The following CYTH1 variants were observed in gnomAD, a reference collection of about 807,000 sequenced individuals.
The protein encoded by CYTH1 is cytohesin 1.
CYTH1 carries 18 observed loss-of-function variants against 61.8 expected under a neutral mutation model. That is an observed-to-expected ratio of 0.29 (90% CI 0.20 to 0.43). The LOEUF is 0.43. CYTH1 is among the 20% of genes least tolerant of loss of function. The probability of loss-of-function intolerance (pLI) is 1.00; values close to 1 mark genes in which losing one functional copy is unlikely to be tolerated. For missense variants in CYTH1, 336 were observed against 510.5 expected (o/e 0.66, Z 3.29); for synonymous variants, 174 against 184.3 (o/e 0.94, Z 0.45).
intron 1 of CYTH1, among the ~76,000 whole-genome samples, chr17:78,721,730 C>T (rs939930182): frequency 1.3e-5 from 2 of 152,142 alleles, no homozygotes; most frequent in Admixed American, 1.3e-4. Context: ...GTCACCCAGC[C>T]CTTCTCAACT....
At chr17:78,760,914 G>C (rs1329979534) in intron 1 of CYTH1, among the ~76,000 whole-genome samples, 1 of 151,750 alleles carries the variant, frequency 6.6e-6, no homozygotes, top group African/African-American at 2.4e-5. Context: ...TTGATAAATG[G>C]GATACCCACC....
At chr17:78,719,315 T>C (rs2093208571) in intron 1 of CYTH1, among the ~76,000 whole-genome samples, 1 of 152,156 alleles carries the variant, frequency 6.6e-6, no homozygotes, top group Non-Finnish European at 1.5e-5. Flanking sequence ...TTATATCACT[T>C]GGGGAACATA....
At position 78,680,228 on chromosome 17, in the gene CYTH1, C is replaced by G. The variant is rs200419184; in HGVS notation, c.1080G>C (p.Pro360=). The G allele has an allele frequency of 3.7e-6, 6 of 1,614,074 alleles. No homozygotes were observed. Among genetic ancestry groups the G allele is most frequent in the Non-Finnish European group, 5.1e-6 (6 of 1,180,036 alleles). The part of the protein sequence containing the change: ...GNHTVYRISA[P]TPEEKEEWIK... ...TCCACTCCTCCTTCTCCTCGGGCGT[C>G]GGAGCTGAGATCCGGTAAACAGTGT... Residue 360 remains proline, a synonymous_variant, in exon 13 of 14, where the codon CCG becomes CCC. Transcript: ENST00000446868.
At position 78,782,263 on chromosome 17, in the gene CYTH1, C is replaced by G. The variant is rs1271916946; in HGVS notation, c.-40G>C. 3.3e-6 allele frequency: 4 copies of G among 1,224,926 alleles called. No homozygotes were observed. Among genetic ancestry groups the G allele is most frequent in the Non-Finnish European group, 4.1e-6 (4 of 970,766 alleles). The allele number at this position is 1,224,926 out of a possible 1,614,324, so 75.9% of individuals were successfully genotyped here. On this transcript the variant is annotated 5_prime_UTR_variant, in exon 1 of 14. Transcript: ENST00000446868. ...GCTCCGCGCTCCGGCTCGCCGCTCG[C>G]GTCCCGCCGCGCCACCCGCGCCCCC... is the stretch of plus-strand genomic sequence containing the variant.
intron 1 of CYTH1, among the ~76,000 whole-genome samples, chr17:78,771,024 A>G (rs1219572641): frequency 6.6e-6 from 1 of 152,172 alleles, no homozygotes; most frequent in African/African-American, 2.4e-5. Context: ...GCACTTTGGG[A>G]GGCCGAGGTG....
At chr17:78,703,944 C>T (rs113579660) in intron 3 of CYTH1, among the ~76,000 whole-genome samples, 2 of 152,154 alleles carry the variant, frequency 1.3e-5, no homozygotes, top group African/African-American at 2.4e-5. Flanking sequence ...TGGGTAGATA[C>T]CCAGGGGTGG....
Position 78,676,123 on chromosome 17 carries a change from T to C in CYTH1, c.1165A>G (p.Lys389Glu). ...CGCTTCGTGGAGGAGACCTTCTTTTTCCGTGCTGCGAGCATTTCGTAGAAA... is the reference window on the plus strand; with the variant it reads ...CGCTTCGTGGAGGAGACCTTCTTTTCCCGTGCTGCGAGCATTTCGTAGAAA... ...DPFYEMLAAR[K>E]KKVSSTKRH is the part of the protein sequence containing the mutation. The change falls in exon 14 of 14, where the codon AAA becomes GAA. Residue 389 changes from lysine to glutamate, a missense_variant. By Grantham distance (56) the Lys-to-Glu change is moderately conservative. Transcript: ENST00000446868. 2 of 1,611,208 alleles carry C rather than the reference T, an allele frequency of 1.2e-6. No individual in the cohort carries two copies. Among genetic ancestry groups the C allele is most frequent in the Non-Finnish European group, 1.7e-6 (2 of 1,178,926 alleles).
intron 1 of CYTH1, among the ~76,000 whole-genome samples, chr17:78,773,124 T>C (rs977295578): frequency 6.6e-6 from 1 of 150,814 alleles, no homozygotes; most frequent in Non-Finnish European, 1.5e-5. Flanking sequence ...TGAGCCACCA[T>C]GCCCAGCCTG....
Position 78,676,153 on chromosome 17 carries a change from CCCTG to C in CYTH1, c.1131_1134del (p.Ser377ArgfsTer62), listed in dbSNP as rs776507223. 6.2e-7 allele frequency: 1 copy of C among 1,609,858 alleles called. No homozygotes were observed. The highest frequency in any genetic ancestry group is 8.5e-7 in the Non-Finnish European group (1 of 1,178,296). On this transcript the variant is annotated frameshift_variant, in exon 14 of 14. Transcript: ENST00000446868. LOFTEE classifies it high-confidence loss of function. ...GCTGCGAGCATTTCGTAGAAAGGGT[CCCTG>C]CTGATGGCTGCTCTGGAGCACAGAA...
At chr17:78,760,561 A>ATATATATG (rs2093424320) in intron 1 of CYTH1, among the ~76,000 whole-genome samples, 1 of 33,788 alleles carries the variant, frequency 3.0e-5, no homozygotes, top group African/African-American at 9.3e-5. Context: ...ATATATGTAT[A>ATATATATG]TATATATACA....
At chr17:78,769,017 A>G (rs533789527) in intron 1 of CYTH1, among the ~76,000 whole-genome samples, 122 of 152,142 alleles carry the variant, frequency 8.0e-4, no homozygotes, top group Non-Finnish European at 1.3e-3. Context: ...GTGGTGGCAC[A>G]TGCCTGTAAT....
chr17:78,713,666 A>C (rs184339253), intron 1 of CYTH1, among the ~76,000 whole-genome samples: 100 of 148,942 alleles, frequency 6.7e-4, no homozygotes, highest in Middle Eastern at 3.4e-3. Context: ...TTTAATATTC[A>C]CACATGACAA....
At chr17:78,722,307 G>A (rs1259962821) in intron 1 of CYTH1, among the ~76,000 whole-genome samples, 2 of 152,236 alleles carry the variant, frequency 1.3e-5, no homozygotes, top group Admixed American at 6.5e-5. Context: ...TTTCCCAGCA[G>A]CTTCTTTCTA....
intron 1 of CYTH1, among the ~76,000 whole-genome samples, chr17:78,768,879 G>A (rs555370232): frequency 6.6e-6 from 1 of 152,088 alleles, no homozygotes; most frequent in South Asian, 2.1e-4. Context: ...AAAAGAACGG[G>A]CGCAGTGCCT....
intron 1 of CYTH1, among the ~76,000 whole-genome samples, chr17:78,720,736 G>A (rs931716083): frequency 5.3e-5 from 8 of 151,554 alleles, no homozygotes; most frequent in African/African-American, 1.5e-4. Context: ...TTAGCCACAT[G>A]TGGTGGCACG....
intron 11 of CYTH1, among the ~76,000 whole-genome samples, chr17:78,689,098 A>G (rs988380770): frequency 1.3e-5 from 2 of 152,180 alleles, no homozygotes; most frequent in Non-Finnish European, 2.9e-5. Flanking sequence ...GGTAAATAAA[A>G]TAACGGGCAG....
chr17:78,771,658 G>A (rs765299202), intron 1 of CYTH1, among the ~76,000 whole-genome samples: 1 of 151,710 alleles, frequency 6.6e-6, no homozygotes, highest in East Asian at 1.9e-4. Flanking sequence ...TTGAACCAGG[G>A]AGTTGGAGGT....
intron 1 of CYTH1, among the ~76,000 whole-genome samples, chr17:78,750,064 G>A (rs2093373858): frequency 1.3e-5 from 2 of 152,196 alleles, no homozygotes; most frequent in African/African-American, 4.8e-5. Context: ...CCAGAAGGAA[G>A]GGAACATGAG....
intron 1 of CYTH1, among the ~76,000 whole-genome samples, chr17:78,742,713 C>T (rs778570681): frequency 2.0e-5 from 3 of 151,864 alleles, no homozygotes; most frequent in South Asian, 4.1e-4. Flanking sequence ...GTTAGCTGGG[C>T]GTGGTGGTGG....
Sources: gnomAD v4.1 joint callset for allele counts (sites outside exome capture counted in the v4.1 genomes callset) on GRCh38, gnomAD v4.1.1 for gene constraint, MANE v1.5 for transcripts, NCBI Gene and HGNC (gene_info 2026-07-23, HGNC 2026-07-21) for gene names.